The following CDH23 variants were observed in gnomAD, a reference collection of about 807,000 sequenced individuals.
The protein encoded by CDH23 is cadherin-23.
In CDH23, 189 loss-of-function variants were observed where a neutral mutation model predicts 317.1. That is an observed-to-expected ratio of 0.60 (90% CI 0.53 to 0.67). The LOEUF (loss-of-function observed/expected upper bound fraction) is 0.67, where lower values mean the gene tolerates loss of function less well. Ranked by LOEUF, CDH23 falls within the 30% of genes least tolerant of loss-of-function variation. CDH23 has a pLI of 0.00. For missense variants in CDH23, 4,401 were observed against 4,592.4 expected (o/e 0.96, Z 1.20); for synonymous variants, 1,839 against 1,876.8 (o/e 0.98, Z 0.52).
intron 27 of CDH23, among the ~76,000 whole-genome samples, chr10:71,711,181 C>T (rs756487385): frequency 1.2e-4 from 19 of 152,158 alleles, no homozygotes; most frequent in Non-Finnish European, 2.2e-4. Context: ...TGAGTCCAGC[C>T]CTCACTTTGG....
intron 11 of CDH23, among the ~76,000 whole-genome samples, chr10:71,626,995 C>T (rs1861765544): frequency 6.6e-6 from 1 of 152,088 alleles, no homozygotes; most frequent in Non-Finnish European, 1.5e-5. Flanking sequence ...GCCAGGGAGC[C>T]CATCCTGGAT....
At chr10:71,622,822 C>G (rs1479562448) in intron 11 of CDH23, 1 of 422,144 alleles carries the variant, frequency 2.4e-6, no homozygotes, top group African/African-American at 2.2e-5. Flanking sequence ...GGAGAGGGAT[C>G]GGGGTAGGGA....
intron 16 of CDH23, among the ~76,000 whole-genome samples, chr10:71,679,129 C>T (rs1188243170): frequency 9.2e-5 from 14 of 152,126 alleles, no homozygotes; most frequent in Admixed American, 9.2e-4. Flanking sequence ...TCCCACCTGC[C>T]CTCTAGATTC....
chr10:71,437,612 C>T (rs545502690), intron 1 of CDH23, among the ~76,000 whole-genome samples: 1 of 152,324 alleles, frequency 6.6e-6, no homozygotes, highest in East Asian at 1.9e-4. Context: ...TTCTTGGGTG[C>T]AGAGAAAGGC....
At chr10:71,505,226 A>C (rs1398477757) in intron 3 of CDH23, among the ~76,000 whole-genome samples, 2 of 151,158 alleles carry the variant, frequency 1.3e-5, no homozygotes, top group Admixed American at 1.3e-4. Context: ...CCAGTGTAGA[A>C]CACGGACCTC....
intron 38 of CDH23, among the ~76,000 whole-genome samples, chr10:71,766,292 T>C (rs994352622): frequency 7.2e-5 from 11 of 152,134 alleles, no homozygotes; most frequent in African/African-American, 2.7e-4. Flanking sequence ...ACCCGGGGCC[T>C]GGGCCTGAGC....
intron 9 of CDH23, among the ~76,000 whole-genome samples, chr10:71,611,075 G>GCCCCCCAT (rs1323168685): frequency 7.0e-6 from 1 of 143,048 alleles, no homozygotes; most frequent in Non-Finnish European, 1.5e-5. Context: ...CAGCCCCCCA[G>GCCCCCCAT]CCCCCCATGG....
intron 6 of CDH23, among the ~76,000 whole-genome samples, chr10:71,563,236 C>T (rs561043158): frequency 1.5e-3 from 228 of 152,272 alleles, no homozygotes; most frequent in African/African-American, 5.1e-3. Context: ...CTGTAGTCCA[C>T]CCTAGGAAAT....
chr10:71,462,965 G>A lies in CDH23; in HGVS notation c.145+16570G>A, dbSNP rs909189517. 2.0e-5 allele frequency among the ~76,000 whole-genome samples: 3 copies of A among 152,274 alleles called. No individual in the cohort carries two copies. The South Asian group carries it at 6.2e-4, about 32-fold the overall frequency. On this transcript the variant is annotated intron_variant, in intron 3 of 69. Transcript: ENST00000224721. ...TCCAAGAGTGAACAACCTCTTCATT[G>A]GCCTAAAGGCCAACTCAGGAAAATT... is the stretch of plus-strand genomic sequence containing the variant.
chr10:71,731,179 C>T (rs999711197), intron 31 of CDH23, among the ~76,000 whole-genome samples: 5 of 152,216 alleles, frequency 3.3e-5, no homozygotes, highest in African/African-American at 7.2e-5. Context: ...GCCCTCCGTG[C>T]GGCCTGGGCT....
chr10:71,813,376 G>A (rs747007023), intron 69 of CDH23, 28 bp downstream of exon 69: 8 of 1,526,956 alleles, frequency 5.2e-6, no homozygotes, highest in Non-Finnish European at 6.2e-6. Flanking sequence ...TGGGAGCTGT[G>A]TGCTGTGCCC....
chr10:71,645,808 C>T (rs993003646), intron 12 of CDH23, 23 bp from the exon 13 acceptor site: 10 of 1,604,084 alleles, frequency 6.2e-6, no homozygotes, highest in Non-Finnish European at 6.8e-6. Context: ...TCCTGACTGG[C>T]TTCTTCTGCA....
chr10:71,787,594 T>A (rs1841140124), intron 44 of CDH23, among the ~76,000 whole-genome samples: 2 of 152,222 alleles, frequency 1.3e-5, no homozygotes, highest in Admixed American at 6.5e-5. Flanking sequence ...TGTATATCCA[T>A]GGTTACACAT....
intron 24 of CDH23, among the ~76,000 whole-genome samples, chr10:71,704,269 T>G (rs1336984356): frequency 1.3e-5 from 2 of 152,156 alleles, no homozygotes; most frequent in African/African-American, 4.8e-5. Flanking sequence ...TTGAATCCAC[T>G]TCAGTAAAAC....
At chr10:71,452,148 C>T (rs1314004705) in intron 3 of CDH23, among the ~76,000 whole-genome samples, 4 of 152,166 alleles carry the variant, frequency 2.6e-5, no homozygotes, top group East Asian at 3.8e-4. Flanking sequence ...TTGCCGGGGA[C>T]CTTGGGGCCC....
rs993036570 is a variant in CDH23 at position 71,778,014 on chromosome 10, T to C, written c.5067+113T>C. ...CAAAGATGCAGTCTAGGGGAAACTG[T>C]GGGGGCACTCAGTGTGGGAGGATGA... On this transcript the variant is annotated intron_variant, in intron 39 of 69. Coordinates refer to ENST00000224721, the MANE Select transcript of CDH23 (RefSeq NM_022124.6). 7.7e-6 allele frequency: 11 copies of C among 1,428,844 alleles called. No individual in the cohort carries two copies. The African/African-American group carries it at 1.4e-4, about 18-fold the overall frequency. The allele number at this position is 1,428,844 out of a possible 1,614,324, so 88.5% of individuals were successfully genotyped here.
intron 6 of CDH23, among the ~76,000 whole-genome samples, chr10:71,524,772 T>A (rs192548659): frequency 2.6e-5 from 4 of 152,286 alleles, no homozygotes; most frequent in African/African-American, 9.6e-5. Context: ...GGTTGTTATG[T>A]TGCTGGCTTT....
At chr10:71,646,760 A>C (rs1862905973) in intron 14 of CDH23, 143 bp downstream of exon 14, 2 of 1,597,132 alleles carry the variant, frequency 1.3e-6, no homozygotes, top group South Asian at 2.2e-5. Context: ...TTGGTGTATT[A>C]AATAAAGTTT....
chr10:71,616,095 C>T (rs1052922668), intron 10 of CDH23, among the ~76,000 whole-genome samples: 1 of 152,252 alleles, frequency 6.6e-6, no homozygotes, highest in African/African-American at 2.4e-5. Flanking sequence ...GGATGTGAGG[C>T]AGAGCTACAG....
Sources: allele counts gnomAD v4.1 joint callset (sites outside exome capture counted in the v4.1 genomes callset), GRCh38; gene constraint gnomAD v4.1.1; transcripts MANE v1.5; gene names NCBI Gene and HGNC (gene_info 2026-07-23, HGNC 2026-07-21).